The following FOXK1 variants were observed in gnomAD, a reference collection of about 807,000 sequenced individuals.
The protein encoded by FOXK1 is forkhead box K1.
A neutral mutation model predicts 51.9 loss-of-function variants in FOXK1; 19 were observed. The ratio of observed to expected loss-of-function variants is 0.37; its 90% CI spans 0.26 to 0.54. The LOEUF (loss-of-function observed/expected upper bound fraction) is 0.54. Ranked by LOEUF, FOXK1 falls within the 20% of genes least tolerant of loss-of-function variation. FOXK1 has a pLI of 0.87. For missense variants in FOXK1, 870 were observed against 1,032.7 expected (o/e 0.84, Z 2.16); for synonymous variants, 537 against 482.6 (o/e 1.11, Z -1.48).
rs986591710 is a variant in FOXK1 at position 4,733,684 on chromosome 7, C to T, written c.561-7154C>T. Among the ~76,000 whole-genome samples, 1 of 152,246 alleles carries T rather than the reference C, an allele frequency of 6.6e-6. No individual in the cohort carries two copies. Among genetic ancestry groups the T allele is most frequent in the African/African-American group, 2.4e-5 (1 of 41,460 alleles). Reference sequence around the variant, plus strand: ...CTCAGCCACAGTCCAGGAAGCTGCCCAGTGCCCACATGGGAACTGCATCCT... The same window carrying T: ...CTCAGCCACAGTCCAGGAAGCTGCCTAGTGCCCACATGGGAACTGCATCCT... On this transcript the variant is annotated intron_variant, in intron 1 of 8. Coordinates refer to ENST00000328914, the MANE Select transcript of FOXK1 (RefSeq NM_001037165.2). The surrounding 1 kb of genome is among the most constrained non-coding windows in gnomAD (Gnocchi z 5.0).
rs1780421251 is a variant in FOXK1, at chr7:4,729,396, T to A, written c.561-11442T>A. Among the ~76,000 whole-genome samples the A allele has an allele frequency of 1.3e-5, 2 of 152,114 alleles. No homozygotes were observed. The highest frequency in any genetic ancestry group is 2.9e-5 in the Non-Finnish European group (2 of 68,008). On this transcript the variant is annotated intron_variant, in intron 1 of 8. Coordinates refer to ENST00000328914, the MANE Select transcript of FOXK1 (RefSeq NM_001037165.2). The surrounding 1 kb of genome is among the most constrained non-coding windows in gnomAD (Gnocchi z 6.2). ...CTGTGGGAGTCACCACGGGTCCCCA[T>A]GTTGGGATTGGGAAGCAGTCACCTA... is the stretch of plus-strand genomic sequence containing the variant.
intron 1 of FOXK1, among the ~76,000 whole-genome samples, chr7:4,712,533 C>A (rs1780187737): frequency 6.6e-6 from 1 of 152,156 alleles, no homozygotes; most frequent in African/African-American, 2.4e-5. Context: ...CCCATTTGTC[C>A]TGCCCCGCGC....
At position 4,710,174 on chromosome 7, in the gene FOXK1, A is replaced by T. The variant is rs1780157100; in HGVS notation, c.560+27306A>T. 2.0e-5 allele frequency among the ~76,000 whole-genome samples: 3 copies of T among 152,244 alleles called. 1 individual carries two copies. Among genetic ancestry groups the T allele is most frequent in the East Asian group, 1.9e-4 (1 of 5,202 alleles). On this transcript the variant is annotated intron_variant, in intron 1 of 8. Coordinates refer to ENST00000328914, the MANE Select transcript of FOXK1 (RefSeq NM_001037165.2). The stretch of plus-strand genomic sequence containing the variant: ...TTTGATGACTTTGGACGAGTAGTTC[A>T]TCTGCTCTAAGCCTCAGTTTCCTCA...
chr7:4,716,022 A>G (rs1367460298), intron 1 of FOXK1, among the ~76,000 whole-genome samples: 6 of 152,138 alleles, frequency 3.9e-5, no homozygotes, highest in Admixed American at 3.3e-4. Context: ...ACTTGAGGTA[A>G]GGAGTTCAAG....
intron 1 of FOXK1, among the ~76,000 whole-genome samples, chr7:4,719,199 A>G (rs938688408): frequency 1.3e-5 from 2 of 151,986 alleles, no homozygotes; most frequent in Non-Finnish European, 2.9e-5. Context: ...CGATGGCACA[A>G]TCATGGCTCA....
At chr7:4,751,733 A>G (rs1429382615) in intron 2 of FOXK1, among the ~76,000 whole-genome samples, 1 of 152,256 alleles carries the variant, frequency 6.6e-6, no homozygotes, top group Admixed American at 6.5e-5. Context: ...CCCTCAGCCC[A>G]GGTGGCTGGA....
chr7:4,752,753 T>G (rs1252636284), intron 2 of FOXK1, among the ~76,000 whole-genome samples: 2 of 152,200 alleles, frequency 1.3e-5, no homozygotes, highest in African/African-American at 4.8e-5. Context: ...GTCCAGTGGC[T>G]TTGGGTCTGG....
chr7:4,721,933 T>C (rs1780317936), intron 1 of FOXK1, among the ~76,000 whole-genome samples: 1 of 152,230 alleles, frequency 6.6e-6, no homozygotes, highest in Non-Finnish European at 1.5e-5. Flanking sequence ...CCAAATTAGA[T>C]TTCTCAAATG....
intron 1 of FOXK1, among the ~76,000 whole-genome samples, chr7:4,705,517 T>TTCTCTC (rs56842360): frequency 0.017 from 1,883 of 111,138 alleles, 36 homozygotes; most frequent in South Asian, 0.028. Context: ...TTCCTTCTCT[T>TTCTCTC]TCTCTCTCTC....
intron 1 of FOXK1, among the ~76,000 whole-genome samples, chr7:4,727,948 G>A (rs751013194): frequency 2.6e-5 from 4 of 152,234 alleles, no homozygotes; most frequent in Non-Finnish European, 5.9e-5. Context: ...ACAGTCGGTG[G>A]CGTGTGTTTG....
chr7:4,759,816 A>C (rs1285000905), intron 7 of FOXK1: 2 of 608,938 alleles, frequency 3.3e-6, no homozygotes, highest in Non-Finnish European at 5.6e-6. Context: ...GGATTACTTG[A>C]GGTCCGGAGT....
chr7:4,721,086 C>G (rs1293811368), intron 1 of FOXK1, among the ~76,000 whole-genome samples: 1 of 152,190 alleles, frequency 6.6e-6, no homozygotes, highest in Non-Finnish European at 1.5e-5. Context: ...TGCCCCGTCC[C>G]TTTCTTGCTT....
At chr7:4,721,974 C>A (rs765601911) in intron 1 of FOXK1, among the ~76,000 whole-genome samples, 1 of 152,164 alleles carries the variant, frequency 6.6e-6, no homozygotes, top group African/African-American at 2.4e-5. Context: ...GCAGGAGTAA[C>A]GGGGACGCGC....
At chr7:4,691,369 C>T (rs1249379874) in intron 1 of FOXK1, among the ~76,000 whole-genome samples, 1 of 152,240 alleles carries the variant, frequency 6.6e-6, no homozygotes, top group African/African-American at 2.4e-5. Context: ...GAGCCTCCCT[C>T]TGTCTCCCAG....
intron 1 of FOXK1, among the ~76,000 whole-genome samples, chr7:4,740,109 A>G (rs1383173462): frequency 2.0e-5 from 3 of 151,926 alleles, no homozygotes; most frequent in African/African-American, 7.3e-5. Flanking sequence ...AGCCTGGCCA[A>G]CGTGGTGAAA....
rs1460041231 is a variant in FOXK1, at chr7:4,731,570, G to C, written c.561-9268G>C. ...AGGTCAGGAGTTCAAGACCAGCCTG[G>C]CCAACATGGTGAAACCCCATCTCTA... On this transcript the variant is annotated intron_variant, in intron 1 of 8. Transcript: ENST00000328914. The surrounding 1 kb of genome is among the most constrained non-coding windows in gnomAD (Gnocchi z 5.3). Among the ~76,000 whole-genome samples the C allele has an allele frequency of 6.6e-6, 1 of 152,060 alleles. No individual in the cohort carries two copies. The highest frequency in any genetic ancestry group is 1.5e-5 in the Non-Finnish European group (1 of 68,002).
intron 1 of FOXK1, among the ~76,000 whole-genome samples, chr7:4,689,080 C>T (rs1024898120): frequency 5.3e-5 from 8 of 151,860 alleles, no homozygotes; most frequent in African/African-American, 1.9e-4. Flanking sequence ...CAGGTTCAAG[C>T]AATTCTCCTG....
chr7:4,701,151 C>T (rs1184848625), intron 1 of FOXK1, among the ~76,000 whole-genome samples: 1 of 152,222 alleles, frequency 6.6e-6, no homozygotes, highest in Non-Finnish European at 1.5e-5. Flanking sequence ...TATCTCCAAG[C>T]TCCCTGCGGC....
At chr7:4,698,746 G>C (rs996096820) in intron 1 of FOXK1, among the ~76,000 whole-genome samples, 1 of 152,070 alleles carries the variant, frequency 6.6e-6, no homozygotes, top group Non-Finnish European at 1.5e-5. Flanking sequence ...TAGAAATGGG[G>C]TTTCACCATG....
Sources: allele counts gnomAD v4.1 joint callset (sites outside exome capture counted in the v4.1 genomes callset), GRCh38; gene constraint gnomAD v4.1.1; non-coding constraint Gnocchi (gnomAD v3.1); transcripts MANE v1.5; gene names NCBI Gene and HGNC (gene_info 2026-07-23, HGNC 2026-07-21).